Variants in ERC1 observed in about 807,000 individuals in gnomAD.
The protein encoded by ERC1 is ELKS/RAB6-interacting/CAST family member 1.
A neutral mutation model predicts 132.0 loss-of-function variants in ERC1; 56 were observed. The ratio of observed to expected loss-of-function variants is 0.42; its 90% confidence interval spans 0.34 to 0.53. The LOEUF (loss-of-function observed/expected upper bound fraction) is 0.53, where lower values mean the gene tolerates loss of function less well. Among genes scored for constraint, ERC1 ranks in the 20% least tolerant of loss-of-function variants. The probability of loss-of-function intolerance (pLI) is 0.03; values close to 1 mark genes in which losing one functional copy is unlikely to be tolerated. For synonymous variants in ERC1, 478 were observed against 476.1 expected (o/e 1.00, Z -0.05); for missense variants, 1,202 against 1,349.9 (o/e 0.89, Z 1.72).
chr12:1,183,972 A>C lies in ERC1; in HGVS notation c.2157+551A>C, dbSNP rs1222676233. On this transcript the variant is annotated intron_variant, in intron 11 of 18. Coordinates refer to ENST00000360905, the MANE Select transcript of ERC1 (RefSeq NM_178040.4). ...AACATGGCGAAACCCCATCTCTACT[A>C]AAAACACAAAAAAATTAGCCAGGCT... Among the ~76,000 whole-genome samples the C allele has an allele frequency of 2.6e-5, 4 of 152,202 alleles. No homozygotes were observed. The East Asian group carries it at 7.7e-4, about 29-fold the overall frequency.
At chr12:1,007,475 T>A (rs1416544407) in intron 1 of ERC1, among the ~76,000 whole-genome samples, 1 of 150,496 alleles carries the variant, frequency 6.6e-6, no homozygotes, top group African/African-American at 2.5e-5. Flanking sequence ...TCTCTCTCTC[T>A]CTCTCTCTCT....
chr12:1,324,486 T>G (rs1466472535), intron 15 of ERC1, among the ~76,000 whole-genome samples: 1 of 152,162 alleles, frequency 6.6e-6, no homozygotes, highest in South Asian at 2.1e-4. Context: ...CAAATATATA[T>G]TTTATTTCTC....
intron 18 of ERC1, among the ~76,000 whole-genome samples, chr12:1,479,885 G>T (rs149109963): frequency 6.6e-6 from 1 of 152,104 alleles, no homozygotes; most frequent in African/African-American, 2.4e-5. Context: ...GTCGTGAGCC[G>T]TGCCCTTTGC....
intron 16 of ERC1, among the ~76,000 whole-genome samples, chr12:1,400,980 G>A: frequency 8.5e-6 from 1 of 117,994 alleles, no homozygotes; most frequent in Non-Finnish European, 1.6e-5. Context: ...CTATCGCCCA[G>A]GCTGGAGTGC....
At chr12:1,016,709 A>T (rs1965582981) in intron 1 of ERC1, among the ~76,000 whole-genome samples, 1 of 142,582 alleles carries the variant, frequency 7.0e-6, no homozygotes, top group Non-Finnish European at 1.5e-5. Context: ...CAGTGGTGCG[A>T]TCTCGATCTC....
chr12:1,489,419 T>A (rs571108079), intron 18 of ERC1, among the ~76,000 whole-genome samples: 60 of 152,324 alleles, frequency 3.9e-4, no homozygotes, highest in African/African-American at 1.3e-3. Context: ...TTTATCTGTT[T>A]ACATGCTTGT....
At chr12:1,418,230 A>G (rs1050290615) in intron 17 of ERC1, among the ~76,000 whole-genome samples, 6 of 152,202 alleles carry the variant, frequency 3.9e-5, no homozygotes, top group Non-Finnish European at 7.3e-5. Flanking sequence ...TGCTACCCCA[A>G]AATATGGCAC....
At chr12:1,357,457 T>G (rs2085650082) in intron 15 of ERC1, among the ~76,000 whole-genome samples, 1 of 152,202 alleles carries the variant, frequency 6.6e-6, no homozygotes, top group African/African-American at 2.4e-5. Flanking sequence ...ATTCAATAAT[T>G]CTTAAAACAG....
intron 8 of ERC1, among the ~76,000 whole-genome samples, chr12:1,162,666 G>GT (rs1369955121): frequency 1.3e-5 from 2 of 151,416 alleles, no homozygotes; most frequent in Admixed American, 6.6e-5. Context: ...TAAGGTTGTT[G>GT]TTTTTTTAAT....
At chr12:1,430,921 A>C (rs1220353084) in intron 17 of ERC1, 3 of 152,142 alleles carry the variant, frequency 2.0e-5, no homozygotes, top group Non-Finnish European at 2.9e-5. Context: ...GTGATAGAAG[A>C]GTTTATAAGT....
intron 2 of ERC1, among the ~76,000 whole-genome samples, chr12:1,061,989 CTTTTTTTTTT>C (rs896825718): frequency 6.0e-5 from 7 of 117,384 alleles, no homozygotes; most frequent in African/African-American, 1.8e-4. Flanking sequence ...TTCTTTTCTT[CTTTTTTTTTT>C]TTTTTTTTTG....
At chr12:1,273,102 C>T (rs2077992287) in intron 14 of ERC1, among the ~76,000 whole-genome samples, 1 of 152,008 alleles carries the variant, frequency 6.6e-6, no homozygotes, top group Non-Finnish European at 1.5e-5. Flanking sequence ...AAAATACTTT[C>T]TTAGCATTAT....
chr12:1,004,822 GTGTGTGTGTGTGTGTGTGTGTGTGTGTA>G (rs1278037031), intron 1 of ERC1, among the ~76,000 whole-genome samples: 1 of 131,450 alleles, frequency 7.6e-6, no homozygotes, highest in Non-Finnish European at 1.8e-5. Context: ...GTGTGTGTGT[GTGTGTGTGTGTGTGTGTGTGTGTGTGTA>G]TAAATTTTTT....
intron 17 of ERC1, among the ~76,000 whole-genome samples, chr12:1,421,755 C>T (rs568926827): frequency 5.9e-5 from 9 of 152,016 alleles, no homozygotes; most frequent in East Asian, 1.9e-4. Context: ...CAGTGGCTCA[C>T]GCCTGTAATC....
intron 3 of ERC1, among the ~76,000 whole-genome samples, chr12:1,093,284 C>T (rs1386133372): frequency 2.8e-5 from 4 of 144,360 alleles, no homozygotes; most frequent in African/African-American, 9.7e-5. Flanking sequence ...TGTTGTTTGA[C>T]CGCTTATTCT....
In ERC1 at chr12:1,101,433, T is replaced by C. The variant is rs187129275; in HGVS notation, c.1087-3317T>C. Among the ~76,000 whole-genome samples, 370 of 152,326 alleles carry C rather than the reference T, an allele frequency of 2.4e-3. 2 individuals carry two copies. The highest frequency in any genetic ancestry group is 8.3e-3 in the African/African-American group (344 of 41,572). On this transcript the variant is annotated intron_variant, in intron 3 of 18. Transcript: ENST00000360905. ...CTCACCACCACTGGAGCCTCTGCTG[T>C]TGGTGTGTCTGGAAGCCTGAGGTAG...
intron 5 of ERC1, among the ~76,000 whole-genome samples, chr12:1,111,840 C>T (rs1462039050): frequency 6.6e-6 from 1 of 152,088 alleles, no homozygotes; most frequent in Non-Finnish European, 1.5e-5. Flanking sequence ...CTCCTGACCT[C>T]AAGTGATCCT....
At chr12:1,158,937 C>A (rs551167544) in intron 8 of ERC1, among the ~76,000 whole-genome samples, 1 of 150,998 alleles carries the variant, frequency 6.6e-6, no homozygotes, top group Non-Finnish European at 1.5e-5. Flanking sequence ...TGAGTATAAT[C>A]ACTCAAGTTA....
intron 14 of ERC1, among the ~76,000 whole-genome samples, chr12:1,271,299 A>G (rs1198858702): frequency 6.6e-6 from 1 of 152,192 alleles, no homozygotes; most frequent in Admixed American, 6.5e-5. Flanking sequence ...AGTGGAGATA[A>G]AGAGAAATAG....
Sources: gnomAD v4.1 joint callset for allele counts (sites outside exome capture counted in the v4.1 genomes callset) on GRCh38, gnomAD v4.1.1 for gene constraint, MANE v1.5 for transcripts, NCBI Gene and HGNC (gene_info 2026-07-23, HGNC 2026-07-21) for gene names.